Variants in CMKLR1 observed in about 807,000 individuals in gnomAD.
The protein encoded by CMKLR1 is chemerin-like receptor 1.
CMKLR1 carries 6 observed loss-of-function variants against 8.2 expected under a neutral mutation model. The ratio of observed to expected loss-of-function variants is 0.73; its 90% CI spans 0.40 to 1.44. CMKLR1 has a LOEUF of 1.44. CMKLR1 is among the 40% of genes most tolerant of loss of function. The pLI is 0.02. For synonymous variants in CMKLR1, 178 were observed against 181.2 expected, an observed-to-expected ratio of 0.98 and a Z score of 0.14; for missense variants, 429 against 478.0, an observed-to-expected ratio of 0.90 and a Z score of 0.96.
intron 2 of CMKLR1, among the ~76,000 whole-genome samples, chr12:108,315,642 T>C (rs1349224764): frequency 6.6e-6 from 1 of 152,224 alleles, no homozygotes; most frequent in Non-Finnish European, 1.5e-5. Flanking sequence ...AGGCTGTGGC[T>C]GCTGTTTCAG....
At chr12:108,337,556 G>C (rs761865280) in intron 1 of CMKLR1, among the ~76,000 whole-genome samples, 10 of 152,162 alleles carry the variant, frequency 6.6e-5, no homozygotes, top group Non-Finnish European at 1.3e-4. Flanking sequence ...GGTGTGGTAG[G>C]AGCCGTGATA....
intron 1 of CMKLR1, among the ~76,000 whole-genome samples, chr12:108,336,313 G>A (rs181090456): frequency 5.3e-5 from 8 of 152,264 alleles, no homozygotes; most frequent in East Asian, 1.9e-4. Flanking sequence ...TTTGGAGGCC[G>A]AGGTGGGTGG....
chr12:108,324,638 A>AT (rs537630559), intron 2 of CMKLR1, among the ~76,000 whole-genome samples: 176 of 152,232 alleles, frequency 1.2e-3, no homozygotes, highest in Non-Finnish European at 2.1e-3. Context: ...TTCCCAAGCT[A>AT]TTTTTTTAAA....
chr12:108,316,207 C>A lies in CMKLR1; in HGVS notation c.-74+13788G>T, dbSNP rs766693510. 7.9e-5 allele frequency among the ~76,000 whole-genome samples: 12 copies of A among 152,290 alleles called. 1 individual carries two copies. The highest frequency in any genetic ancestry group is 1.7e-4 in the African/African-American group (7 of 41,556). ...CTGAGCCCTGTGTGGCTGCACTGGT[C>A]GCCAGCCTGAGATGCTGGCCCTGCC... On this transcript the variant is annotated intron_variant, in intron 2 of 3. Transcript: ENST00000550402.
chr12:108,304,983 G>C (rs904232702), intron 2 of CMKLR1, among the ~76,000 whole-genome samples: 1 of 152,178 alleles, frequency 6.6e-6, no homozygotes, highest in Non-Finnish European at 1.5e-5. Flanking sequence ...CCTGGCTCCT[G>C]TCCCCATCTT....
chr12:108,321,423 C>T (rs528356849), intron 2 of CMKLR1, among the ~76,000 whole-genome samples: 1 of 151,914 alleles, frequency 6.6e-6, no homozygotes, highest in Non-Finnish European at 1.5e-5. Flanking sequence ...CAGAGTGAGA[C>T]CCTGTCTCCA....
At position 108,329,315 on chromosome 12, in the gene CMKLR1, C is replaced by A. The variant is rs1892051674; in HGVS notation, c.-74+680G>T. Among the ~76,000 whole-genome samples the A allele has an allele frequency of 2.0e-5, 3 of 152,302 alleles. No individual in the cohort carries two copies. In the South Asian group the frequency reaches 6.2e-4, roughly 32 times the overall value. On this transcript the variant is annotated intron_variant, in intron 2 of 3. Transcript: ENST00000550402. ...TGCTTCCTGCCCACCACGCCAGACT[C>A]CCTGCACTCATCAAGTCTCTGGATC...
intron 2 of CMKLR1, among the ~76,000 whole-genome samples, chr12:108,318,876 G>A (rs1241719172): frequency 6.6e-6 from 1 of 152,132 alleles, no homozygotes; most frequent in African/African-American, 2.4e-5. Context: ...CATTCCCAAG[G>A]TGTGGAGACA....
intron 2 of CMKLR1, among the ~76,000 whole-genome samples, chr12:108,307,690 C>G (rs1412257332): frequency 1.3e-5 from 2 of 152,232 alleles, no homozygotes; most frequent in Admixed American, 6.5e-5. Context: ...TCCCTACATC[C>G]TCTGCAAGAG....
intron 2 of CMKLR1, among the ~76,000 whole-genome samples, chr12:108,295,627 G>A (rs1891113616): frequency 6.6e-6 from 1 of 152,236 alleles, no homozygotes; most frequent in Admixed American, 6.5e-5. Context: ...TGGCATCTGA[G>A]TTGAGTTTTA....
At chr12:108,329,330 G>A (rs1049009900) in intron 2 of CMKLR1, among the ~76,000 whole-genome samples, 35 of 152,154 alleles carry the variant, frequency 2.3e-4, no homozygotes, top group African/African-American at 6.8e-4. Context: ...CACTCATCAA[G>A]TCTCTGGATC....
intron 2 of CMKLR1, among the ~76,000 whole-genome samples, chr12:108,307,495 G>A (rs1384220347): frequency 6.6e-6 from 1 of 152,196 alleles, no homozygotes; most frequent in Non-Finnish European, 1.5e-5. Flanking sequence ...CAGCCACAGG[G>A]TCCCAATCTG....
At chr12:108,316,165 A>T (rs1891720796) in intron 2 of CMKLR1, among the ~76,000 whole-genome samples, 1 of 152,192 alleles carries the variant, frequency 6.6e-6, no homozygotes, top group Non-Finnish European at 1.5e-5. Context: ...CCAAGTGTTA[A>T]ACAAAGCACA....
At chr12:108,296,504 C>A (rs888824214) in intron 2 of CMKLR1, among the ~76,000 whole-genome samples, 1 of 152,146 alleles carries the variant, frequency 6.6e-6, no homozygotes, top group African/African-American at 2.4e-5. Context: ...ACTTGTCTCT[C>A]CAGCTGTGGG....
At chr12:108,311,897 T>C (rs1411672295) in intron 2 of CMKLR1, among the ~76,000 whole-genome samples, 1 of 152,196 alleles carries the variant, frequency 6.6e-6, no homozygotes, top group Non-Finnish European at 1.5e-5. Context: ...CTGCTCCCTG[T>C]GCTTAAGGAG....
intron 1 of CMKLR1, among the ~76,000 whole-genome samples, chr12:108,333,253 C>T (rs929718272): frequency 1.4e-4 from 21 of 150,882 alleles, no homozygotes; most frequent in Middle Eastern, 3.4e-3. Flanking sequence ...AAAGCAGAAC[C>T]GATTCTGACA....
In CMKLR1 at chr12:108,288,661, C is replaced by A; in HGVS notation, c.*3180G>T. ...GCAAAGGCATCCCGGTGCTTGAGGCCCTTCGTGTTCTTGCTCTTCCCTTCT... is the reference window on the plus strand; with the variant it reads ...GCAAAGGCATCCCGGTGCTTGAGGCACTTCGTGTTCTTGCTCTTCCCTTCT... On this transcript the variant is annotated 3_prime_UTR_variant, in exon 4 of 4. Coordinates refer to ENST00000550402, the MANE Select transcript of CMKLR1 (RefSeq NM_001142343.2). The A allele has an allele frequency of 6.6e-6, 1 of 152,392 alleles. No individual in the cohort carries two copies. The highest frequency in any genetic ancestry group is 1.5e-5 in the Non-Finnish European group (1 of 68,136). The allele number at this position is 152,392 out of a possible 1,614,324, so 9.4% of individuals were successfully genotyped here.
intron 1 of CMKLR1, among the ~76,000 whole-genome samples, chr12:108,335,343 G>A (rs527837679): frequency 2.0e-5 from 3 of 152,220 alleles, no homozygotes; most frequent in South Asian, 4.1e-4. Flanking sequence ...CCAGGCCAAA[G>A]CAGATAAGCA....
intron 2 of CMKLR1, among the ~76,000 whole-genome samples, chr12:108,309,996 C>T (rs1464907181): frequency 6.6e-6 from 1 of 152,156 alleles, no homozygotes; most frequent in Non-Finnish European, 1.5e-5. Flanking sequence ...GTGGCCCTGG[C>T]TCTGCACAAA....
Sources: allele counts gnomAD v4.1 joint callset (sites outside exome capture counted in the v4.1 genomes callset), GRCh38; gene constraint gnomAD v4.1.1; transcripts MANE v1.5; gene names NCBI Gene and HGNC (gene_info 2026-07-23, HGNC 2026-07-21).